RFX3: variants seen among roughly 807,000 people sequenced by gnomAD.
The protein encoded by RFX3 is transcription factor RFX3.
RFX3 carries 14 observed loss-of-function variants against 98.6 expected under a neutral mutation model. The observed-to-expected ratio is 0.14, with a 90% CI of 0.09 to 0.22. The LOEUF (loss-of-function observed/expected upper bound fraction) is 0.22, where lower values mean the gene tolerates loss of function less well. Ranked by LOEUF, RFX3 falls within the 10% of genes least tolerant of loss-of-function variation. The pLI, the probability that RFX3 is intolerant of heterozygous loss-of-function variation, is 1.00. For synonymous variants in RFX3, 383 were observed against 328.4 expected, an observed-to-expected ratio of 1.17 and a Z score of -1.80; for missense variants, 639 against 926.9, an observed-to-expected ratio of 0.69 and a Z score of 4.03.
At chr9:3,469,868 G>A (rs1260462370) in intron 1 of RFX3, among the ~76,000 whole-genome samples, 3 of 150,600 alleles carry the variant, frequency 2.0e-5, no homozygotes, top group African/African-American at 7.3e-5. Context: ...AAAAATTATA[G>A]CTCATGTGTA....
intron 1 of RFX3, among the ~76,000 whole-genome samples, chr9:3,459,756 A>C (rs749482673): frequency 2.0e-5 from 3 of 152,014 alleles, no homozygotes; most frequent in Non-Finnish European, 4.4e-5. Context: ...TTCAGCCCCT[A>C]GTTATCTCAT....
intron 1 of RFX3, among the ~76,000 whole-genome samples, chr9:3,425,289 AAAAC>A (rs1843904535): frequency 6.6e-6 from 1 of 152,260 alleles, no homozygotes; most frequent in Admixed American, 6.5e-5. Context: ...CTACGTGGCA[AAAAC>A]AAACAAACTA....
chr9:3,437,512 A>T (rs1442338994), intron 1 of RFX3, among the ~76,000 whole-genome samples: 1 of 152,072 alleles, frequency 6.6e-6, no homozygotes, highest in East Asian at 1.9e-4. Context: ...TCTGGTAATA[A>T]AGCTAGTCCA....
At chr9:3,354,955 T>C (rs1835576797) in intron 2 of RFX3, among the ~76,000 whole-genome samples, 1 of 151,800 alleles carries the variant, frequency 6.6e-6, no homozygotes, top group African/African-American at 2.4e-5. Flanking sequence ...AATGCAGGAA[T>C]GACAAAAATA....
intron 15 of RFX3, among the ~76,000 whole-genome samples, chr9:3,246,820 G>A (rs528985189): frequency 6.6e-6 from 1 of 152,252 alleles, no homozygotes; most frequent in African/African-American, 2.4e-5. Flanking sequence ...CATCATTTAA[G>A]CTTTATCATC....
chr9:3,292,310 C>T (rs1045837067), intron 6 of RFX3, among the ~76,000 whole-genome samples: 9 of 151,892 alleles, frequency 5.9e-5, no homozygotes, highest in Non-Finnish European at 1.3e-4. Flanking sequence ...AATGAAGCCC[C>T]AGAGTTCTAA....
intron 1 of RFX3, among the ~76,000 whole-genome samples, chr9:3,432,085 C>G (rs761621836): frequency 2.0e-4 from 30 of 152,154 alleles, no homozygotes; most frequent in Non-Finnish European, 4.1e-4. Context: ...CAATGAGAAG[C>G]TCTTTTGCCA....
At chr9:3,520,584 A>T (rs1346195364) in intron 1 of RFX3, among the ~76,000 whole-genome samples, 1 of 152,250 alleles carries the variant, frequency 6.6e-6, no homozygotes, top group Non-Finnish European at 1.5e-5. Flanking sequence ...GGCACACAGT[A>T]GGGCTGGGAA....
chr9:3,343,626 G>C (rs1218264223), intron 3 of RFX3, among the ~76,000 whole-genome samples: 1 of 152,202 alleles, frequency 6.6e-6, no homozygotes, highest in East Asian at 1.9e-4. Flanking sequence ...ATGGTCGCTA[G>C]TTGCTAAAAT....
intron 3 of RFX3, among the ~76,000 whole-genome samples, chr9:3,341,560 C>T (rs567912899): frequency 2.0e-4 from 31 of 152,266 alleles, no homozygotes; most frequent in African/African-American, 6.0e-4. Flanking sequence ...TTCATTTTAT[C>T]CCTGGTACTT....
intron 1 of RFX3, among the ~76,000 whole-genome samples, chr9:3,507,344 G>A (rs1034914180): frequency 4.6e-5 from 7 of 151,900 alleles, no homozygotes; most frequent in Non-Finnish European, 5.9e-5. Context: ...GCAGAATTCA[G>A]ACCATATAGG....
Position 3,267,761 on chromosome 9 carries a change from T to C in RFX3, c.1358-1456A>G, listed in dbSNP as rs1255069279. 2.6e-5 allele frequency among the ~76,000 whole-genome samples: 4 copies of C among 151,878 alleles called. No homozygotes were observed. In the South Asian group the frequency reaches 8.3e-4, roughly 31 times the overall value. On this transcript the variant is annotated intron_variant, in intron 11 of 16. Coordinates refer to ENST00000617270, the MANE Select transcript of RFX3 (RefSeq NM_001282116.2). ...AGAAAAATATTTTTCTGTTGTATTA[T>C]GTGCTAGAACCATGGAGGGCAGGCA...
intron 2 of RFX3, among the ~76,000 whole-genome samples, chr9:3,390,084 G>A (rs1448594771): frequency 6.6e-6 from 1 of 152,180 alleles, no homozygotes; most frequent in Non-Finnish European, 1.5e-5. Flanking sequence ...CAGAAGAAGT[G>A]TATAATACTG....
chr9:3,411,149 C>T (rs574004855), intron 1 of RFX3, among the ~76,000 whole-genome samples: 5 of 152,178 alleles, frequency 3.3e-5, no homozygotes, highest in African/African-American at 4.8e-5. Context: ...TTTATAAGGA[C>T]GGTGTTTTCT....
At chr9:3,514,434 C>G (rs1311659050) in intron 1 of RFX3, among the ~76,000 whole-genome samples, 1 of 151,308 alleles carries the variant, frequency 6.6e-6, no homozygotes, top group Non-Finnish European at 1.5e-5. Context: ...TTTTTTTAAC[C>G]AAGTTGTGTT....
intron 1 of RFX3, among the ~76,000 whole-genome samples, chr9:3,521,571 G>T (rs1417740461): frequency 6.6e-6 from 1 of 152,114 alleles, no homozygotes; most frequent in Non-Finnish European, 1.5e-5. Context: ...GAATTGTAGA[G>T]TAAAAGTGAA....
At chr9:3,275,928 T>G (rs775150361) in intron 8 of RFX3, among the ~76,000 whole-genome samples, 10 of 152,108 alleles carry the variant, frequency 6.6e-5, no homozygotes, top group Non-Finnish European at 1.3e-4. Context: ...TATCTCGAGC[T>G]TGCTAGTACC....
At chr9:3,516,331 A>G (rs967816814) in intron 1 of RFX3, among the ~76,000 whole-genome samples, 9 of 152,322 alleles carry the variant, frequency 5.9e-5, no homozygotes, top group African/African-American at 2.2e-4. Context: ...TACAGGCATG[A>G]GCCACCGCAC....
chr9:3,376,658 C>G (rs550461130), intron 2 of RFX3, among the ~76,000 whole-genome samples: 56 of 152,212 alleles, frequency 3.7e-4, no homozygotes, highest in African/African-American at 1.3e-3. Flanking sequence ...GAACACGCAA[C>G]CTACAGAATG....
Sources: allele counts gnomAD v4.1 joint callset (sites outside exome capture counted in the v4.1 genomes callset), GRCh38; gene constraint gnomAD v4.1.1; transcripts MANE v1.5; gene names NCBI Gene and HGNC (gene_info 2026-07-23, HGNC 2026-07-21).